Variants in MTRF1 observed in about 807,000 individuals in gnomAD.
MTRF1 encodes mitochondrial translation release factor 1, also known as peptide chain release factor 1, mitochondrial.
Under a neutral mutation model 62.9 loss-of-function variants are expected in MTRF1, and 51 were observed. The observed-to-expected ratio is 0.81, with a 90% CI of 0.65 to 1.02. MTRF1 has a LOEUF of 1.02. Ranked by LOEUF, MTRF1 falls within the 50% of genes least tolerant of loss-of-function variation. The probability of loss-of-function intolerance (pLI) is 0.00; values close to 1 mark genes in which losing one functional copy is unlikely to be tolerated. For synonymous variants in MTRF1, 158 were observed against 181.9 expected (o/e 0.87, Z 1.06); for missense variants, 446 against 530.0 (o/e 0.84, Z 1.56).
chr13:41,258,997 C>T (rs1446970736), intron 2 of MTRF1, among the ~76,000 whole-genome samples: 1 of 152,060 alleles, frequency 6.6e-6, no homozygotes, highest in East Asian at 1.9e-4. Flanking sequence ...ACACAAATGG[C>T]CAAATAAGCA....
rs142574267 is a variant in MTRF1, at chr13:41,246,675, T to C, written c.697+5970A>G. Among the ~76,000 whole-genome samples, 41 of 152,332 alleles carry C rather than the reference T, an allele frequency of 2.7e-4. No homozygotes were observed. In the East Asian group the frequency reaches 7.5e-3, roughly 28 times the overall value. On this transcript the variant is annotated intron_variant, in intron 5 of 9. Transcript: ENST00000379480. Reference sequence around the variant, plus strand: ...GGTTTAACATTCATACTCAGTGTGGTAGGACGGACATACTATGAAAGATTA... The same window carrying C: ...GGTTTAACATTCATACTCAGTGTGGCAGGACGGACATACTATGAAAGATTA...
the MTRF1 span, among the ~76,000 whole-genome samples, chr13:41,307,882 TGAA>T: frequency 6.6e-6 from 1 of 152,166 alleles, no homozygotes; most frequent in African/African-American, 2.4e-5. Context: ...GAAAGACAGA[TGAA>T]GAAGATATTA....
the MTRF1 span, among the ~76,000 whole-genome samples, chr13:41,304,035 T>C: frequency 0.056 from 8,514 of 152,244 alleles, 297 homozygotes; most frequent in Non-Finnish European, 0.074. Flanking sequence ...CCTTAATAAA[T>C]TTGCTTTTGC....
intron 5 of MTRF1, among the ~76,000 whole-genome samples, chr13:41,243,888 TA>T (rs777063971): frequency 1.6e-4 from 24 of 152,306 alleles, no homozygotes; most frequent in South Asian, 4.1e-4. Flanking sequence ...CTAAAAACAT[TA>T]AAACTTTTTT....
chr13:41,281,241 TGAG>T, the MTRF1 span, among the ~76,000 whole-genome samples: 14 of 152,230 alleles, frequency 9.2e-5, no homozygotes, highest in Admixed American at 2.0e-4. Context: ...ACTATTACTC[TGAG>T]GAGGAGATTT....
intron 2 of MTRF1, among the ~76,000 whole-genome samples, chr13:41,256,363 GTTGCCCAGGCTGGAGTGCAGTGGTGTGAT>G (rs1425211568): frequency 2.7e-5 from 4 of 147,370 alleles, no homozygotes; most frequent in Non-Finnish European, 5.9e-5. Flanking sequence ...GTCTTGCTCT[GTTGCCCAGGCTGGAGTGCAGTGGTGTGAT>G]CTCGACTCAT....
chr13:41,249,793 AT>A (rs2038830629), intron 5 of MTRF1, among the ~76,000 whole-genome samples: 1 of 151,300 alleles, frequency 6.6e-6, no homozygotes, highest in South Asian at 2.1e-4. Flanking sequence ...CGCCTGGCCA[AT>A]TTTTGTATTT....
chr13:41,251,145 AAAC>A (rs1271194975), intron 5 of MTRF1, among the ~76,000 whole-genome samples: 1 of 152,180 alleles, frequency 6.6e-6, no homozygotes, highest in Non-Finnish European at 1.5e-5. Context: ...CATACTGGAT[AAAC>A]AACAGCCCCT....
the MTRF1 span, among the ~76,000 whole-genome samples, chr13:41,279,045 G>A: frequency 6.6e-6 from 1 of 152,056 alleles, no homozygotes; most frequent in Non-Finnish European, 1.5e-5. Flanking sequence ...CTGAAGTGCA[G>A]TGGCACAATC....
chr13:41,306,762 T>C, the MTRF1 span, among the ~76,000 whole-genome samples: 1 of 152,208 alleles, frequency 6.6e-6, no homozygotes, highest in Non-Finnish European at 1.5e-5. Flanking sequence ...GTATGCACCG[T>C]CTGAAGTGCC....
the MTRF1 span, chr13:41,311,565 C>G: frequency 6.2e-7 from 1 of 1,608,798 alleles, no homozygotes; most frequent in South Asian, 1.1e-5. Context: ...GGAGAGCAAC[C>G]TCTTCAAACG....
rs115903773 is a variant in MTRF1, at chr13:41,244,756, G to C, written c.698-4323C>G. Among the ~76,000 whole-genome samples the C allele has an allele frequency of 4.6e-3, 704 of 152,222 alleles. 6 individuals carry two copies. Among genetic ancestry groups the C allele is most frequent in the African/African-American group, 0.016 (648 of 41,518 alleles). ...TATCTGCTTACAACTACATGAGTGA[G>C]CTTGCAAGCAGGCCCTGACACCCCA... On this transcript the variant is annotated intron_variant, in intron 5 of 9. Coordinates refer to ENST00000379480, the MANE Select transcript of MTRF1 (RefSeq NM_004294.4).
intron 1 of MTRF1, chr13:41,261,771 T>C (rs917059075): frequency 2.0e-6 from 2 of 984,864 alleles, no homozygotes; most frequent in African/African-American, 3.5e-5. Flanking sequence ...CTCAGTAATT[T>C]TCACTCTCAA....
At chr13:41,310,431 G>C in the MTRF1 span, among the ~76,000 whole-genome samples, 1 of 152,324 alleles carries the variant, frequency 6.6e-6, no homozygotes, top group Admixed American at 6.5e-5. Context: ...AGCACTTTCG[G>C]AGGTTGACGC....
At position 41,254,590 on chromosome 13, in the gene MTRF1, T is replaced by C. The variant is rs1212823990; in HGVS notation, c.446A>G (p.Gln149Arg). 6 of 1,613,572 alleles carry C rather than the reference T, an allele frequency of 3.7e-6. No individual in the cohort carries two copies. The highest frequency in any genetic ancestry group is 5.1e-6 in the Non-Finnish European group (6 of 1,179,740). The change falls in exon 3 of 10, where the codon CAA becomes CGA. Residue 149 changes from glutamine to arginine, a missense_variant. Coordinates refer to ENST00000379480, the MANE Select transcript of MTRF1 (RefSeq NM_004294.4). ...TTGCCTTTCTTCCAGTGCAAGTTCT[T>C]GTAACTGCTTTTCATCTTGTTTATT... ...SLNKQDEKQLQELALEERQTI... is the reference protein window; with the variant it reads ...SLNKQDEKQLRELALEERQTI...
rs562454045 is a variant in MTRF1, at chr13:41,232,773, A to G, written c.988+1117T>C. 1.1e-4 allele frequency among the ~76,000 whole-genome samples: 17 copies of G among 152,328 alleles called. No individual in the cohort carries two copies. In the South Asian group the frequency reaches 3.5e-3, roughly 32 times the overall value. On this transcript the variant is annotated intron_variant, in intron 7 of 9. Coordinates refer to ENST00000379480, the MANE Select transcript of MTRF1 (RefSeq NM_004294.4). ...CTGATGACCAGGACAACCCCTGTGC[A>G]ATGTCCTGGGGAGCAGCTGGTCCAC...
chr13:41,259,711 A>AC (rs1294161440), intron 2 of MTRF1, among the ~76,000 whole-genome samples: 2,850 of 149,534 alleles, frequency 0.019, 161 homozygotes, highest in African/African-American at 0.066. Context: ...CAAAAAAAAA[A>AC]AAAAAAAAAA....
chr13:41,249,500 C>T (rs746511024), intron 5 of MTRF1, among the ~76,000 whole-genome samples: 1 of 151,778 alleles, frequency 6.6e-6, no homozygotes, highest in African/African-American at 2.4e-5. Flanking sequence ...GATATCACGC[C>T]ACTGCACTCC....
the MTRF1 span, among the ~76,000 whole-genome samples, chr13:41,270,027 A>G: frequency 3.3e-5 from 5 of 152,258 alleles, no homozygotes; most frequent in African/African-American, 4.8e-5. Context: ...TAATCTTACT[A>G]AATTTAAGAT....
Sources: allele counts gnomAD v4.1 joint callset (sites outside exome capture counted in the v4.1 genomes callset), GRCh38; gene constraint gnomAD v4.1.1; transcripts MANE v1.5; gene names NCBI Gene and HGNC (gene_info 2026-07-23, HGNC 2026-07-21).